The following ARK2C variants were observed in gnomAD, a reference collection of about 807,000 sequenced individuals.
ARK2C encodes the protein E3 ubiquitin-protein ligase ARK2C.
At chr18:46,428,022 A>T in the ARK2C span, among the ~76,000 whole-genome samples, 6 of 152,210 alleles carry the variant, frequency 3.9e-5, no homozygotes, top group Non-Finnish European at 7.3e-5. Flanking sequence ...GAGTCTCCAG[A>T]GAAAGCTGAA....
At chr18:46,459,813 G>C in the ARK2C span, 1 of 152,910 alleles carries the variant, frequency 6.5e-6, no homozygotes, top group Non-Finnish European at 1.5e-5. Flanking sequence ...TCCAGGAGGG[G>C]AGACCACTGG....
At chr18:46,462,772 C>T in the ARK2C span, 1 of 152,450 alleles carries the variant, frequency 6.6e-6, no homozygotes, top group Non-Finnish European at 1.5e-5. Context: ...GTGCCCTCAC[C>T]CTTGAGCCCC....
chr18:46,417,896 C>T, the ARK2C span, among the ~76,000 whole-genome samples: 5 of 151,786 alleles, frequency 3.3e-5, no homozygotes, highest in Non-Finnish European at 7.4e-5. Context: ...CCCAGCTACT[C>T]GGGAGGCTGA....
At chr18:46,435,212 C>T in the ARK2C span, 1 of 1,332,326 alleles carries the variant, frequency 7.5e-7, no homozygotes, top group East Asian at 2.3e-5. Flanking sequence ...TCAGGCTGCC[C>T]CGGTTTCTCA....
chr18:46,426,516 C>T, the ARK2C span, among the ~76,000 whole-genome samples: 40 of 152,326 alleles, frequency 2.6e-4, no homozygotes, highest in East Asian at 6.8e-3. Context: ...TGTGGGTTCC[C>T]CCTGTCCCAG....
At chr18:46,456,656 A>G in the ARK2C span, 1 of 1,539,230 alleles carries the variant, frequency 6.5e-7, no homozygotes, top group Non-Finnish European at 9.0e-7. Context: ...TAGCCAGTGG[A>G]CACCCCATTT....
At chr18:46,442,090 G>C in the ARK2C span, among the ~76,000 whole-genome samples, 1 of 150,500 alleles carries the variant, frequency 6.6e-6, no homozygotes, top group East Asian at 1.9e-4. Context: ...GTGAACCCGG[G>C]AGGCGGAGCT....
At chr18:46,436,527 T>C in the ARK2C span, among the ~76,000 whole-genome samples, 1 of 152,226 alleles carries the variant, frequency 6.6e-6, no homozygotes, top group South Asian at 2.1e-4. Flanking sequence ...TGTGCCGTTG[T>C]GTCATTTTTC....
chr18:46,461,197 G>C, the ARK2C span: 1 of 152,272 alleles, frequency 6.6e-6, no homozygotes, highest in Non-Finnish European at 1.5e-5. Context: ...ATGACCTTGA[G>C]CAAGTCCCTT....
At chr18:46,455,625 T>C in the ARK2C span, among the ~76,000 whole-genome samples, 1 of 151,980 alleles carries the variant, frequency 6.6e-6, no homozygotes, top group Non-Finnish European at 1.5e-5. Context: ...TCACCTGAGC[T>C]CAGGAGTTCA....
chr18:46,388,377 A>G, the ARK2C span, among the ~76,000 whole-genome samples: 4 of 152,242 alleles, frequency 2.6e-5, no homozygotes, highest in Admixed American at 6.5e-5. Flanking sequence ...TAATGTTTCC[A>G]TGCACTTCTT....
At chr18:46,410,221 T>G in the ARK2C span, among the ~76,000 whole-genome samples, 1 of 152,366 alleles carries the variant, frequency 6.6e-6, no homozygotes, top group African/African-American at 2.4e-5. Context: ...CAAGCTTGGC[T>G]TCTTGCACCT....
chr18:46,387,596 C>T, the ARK2C span, among the ~76,000 whole-genome samples: 5 of 152,202 alleles, frequency 3.3e-5, no homozygotes, highest in African/African-American at 1.2e-4. Flanking sequence ...GGGCATGAAG[C>T]AAGAAAAACA....
the ARK2C span, among the ~76,000 whole-genome samples, chr18:46,388,596 T>C: frequency 2.0e-5 from 3 of 152,204 alleles, no homozygotes; most frequent in Non-Finnish European, 2.9e-5. Flanking sequence ...CTGCCCTCAA[T>C]TGGGATCTGG....
the ARK2C span, among the ~76,000 whole-genome samples, chr18:46,430,966 C>T: frequency 1.3e-5 from 2 of 152,164 alleles, no homozygotes; most frequent in Non-Finnish European, 1.5e-5. Flanking sequence ...CATAGGTATA[C>T]ACGTGCCATG....
At chr18:46,385,311 A>T in the ARK2C span, among the ~76,000 whole-genome samples, 2 of 152,180 alleles carry the variant, frequency 1.3e-5, no homozygotes, top group East Asian at 3.9e-4. Flanking sequence ...GTGGCTTGTG[A>T]GGACAAGTGG....
At chr18:46,368,310 G>A in the ARK2C span, among the ~76,000 whole-genome samples, 2 of 152,106 alleles carry the variant, frequency 1.3e-5, no homozygotes, top group African/African-American at 2.4e-5. Flanking sequence ...AAAATATGTT[G>A]GTTTAAGCAC....
At chr18:46,355,929 T>G in the ARK2C span, among the ~76,000 whole-genome samples, 1 of 152,144 alleles carries the variant, frequency 6.6e-6, no homozygotes, top group Non-Finnish European at 1.5e-5. Flanking sequence ...ATGATGATGA[T>G]GCAGATGGGC....
chr18:46,402,626 C>T, the ARK2C span, among the ~76,000 whole-genome samples: 17,464 of 152,092 alleles, frequency 0.11, 1,173 homozygotes, highest in East Asian at 0.27. Context: ...AGCAACCTCC[C>T]AAGTTGCTGG....
Sources: allele counts gnomAD v4.1 joint callset (sites outside exome capture counted in the v4.1 genomes callset), GRCh38; gene constraint gnomAD v4.1.1; transcripts MANE v1.5; gene names NCBI Gene and HGNC (gene_info 2026-07-23, HGNC 2026-07-21).